Variants in DCC observed in about 807,000 individuals in gnomAD.
The protein encoded by DCC is netrin receptor DCC.
DCC carries 58 observed loss-of-function variants against 172.5 expected under a neutral mutation model. The ratio of observed to expected loss-of-function variants is 0.34; its 90% CI spans 0.27 to 0.42. DCC has a LOEUF of 0.42. Ranked by LOEUF, DCC falls within the 10% of genes least tolerant of loss-of-function variation. DCC has a pLI of 1.00. For synonymous variants in DCC, 709 were observed against 644.5 expected (o/e 1.10, Z -1.52); for missense variants, 1,740 against 1,791.0 (o/e 0.97, Z 0.51).
At chr18:53,421,824 C>T (rs142456713) in intron 21 of DCC, among the ~76,000 whole-genome samples, 14 of 152,330 alleles carry the variant, frequency 9.2e-5, no homozygotes, top group African/African-American at 3.4e-4. Flanking sequence ...AATAAAAACT[C>T]AGGCATAACA....
intron 25 of DCC, among the ~76,000 whole-genome samples, chr18:53,469,779 T>A (rs548216180): frequency 3.4e-4 from 51 of 152,188 alleles, no homozygotes; most frequent in African/African-American, 1.2e-3. Flanking sequence ...CTGAAAAAAA[T>A]TTCTAAATTA....
chr18:52,935,372 A>AT (rs11399593), intron 5 of DCC, among the ~76,000 whole-genome samples: 55,645 of 151,890 alleles, frequency 0.37, 10,711 homozygotes, highest in South Asian at 0.52. Context: ...ACCTATATCA[A>AT]TTTAATAGTA....
chr18:52,613,570 T>G (rs2034317049), intron 1 of DCC, among the ~76,000 whole-genome samples: 1 of 152,168 alleles, frequency 6.6e-6, no homozygotes, highest in African/African-American at 2.4e-5. Flanking sequence ...TGTTTTATTT[T>G]ATGCTTAGGA....
At chr18:53,341,177 A>G (rs2144872980) in intron 15 of DCC, among the ~76,000 whole-genome samples, 1 of 152,266 alleles carries the variant, frequency 6.6e-6, no homozygotes, top group African/African-American at 2.4e-5. Context: ...TTCAGCATCC[A>G]CCATCTTTGA....
At chr18:53,516,360 T>C (rs2046333624) in intron 27 of DCC, among the ~76,000 whole-genome samples, 2 of 146,678 alleles carry the variant, frequency 1.4e-5, no homozygotes, top group Admixed American at 6.6e-5. Context: ...GAAGAAAACC[T>C]AGGCATTACC....
intron 1 of DCC, among the ~76,000 whole-genome samples, chr18:52,450,377 A>C (rs1988263681): frequency 6.6e-6 from 1 of 152,214 alleles, no homozygotes; most frequent in Non-Finnish European, 1.5e-5. Context: ...TTGAACATCT[A>C]CTATATACCA....
chr18:52,799,908 A>T (rs899222311), intron 2 of DCC, among the ~76,000 whole-genome samples: 2 of 152,160 alleles, frequency 1.3e-5, no homozygotes, highest in African/African-American at 4.8e-5. Flanking sequence ...TTAAGCTCTA[A>T]TTGTTCTTCA....
chr18:52,406,892 T>A (rs1986673171), intron 1 of DCC, among the ~76,000 whole-genome samples: 1 of 152,068 alleles, frequency 6.6e-6, no homozygotes, highest in Admixed American at 6.6e-5. Flanking sequence ...TAAACCCATG[T>A]GTGAGTCTGT....
intron 1 of DCC, among the ~76,000 whole-genome samples, chr18:52,352,854 A>T (rs8090020): frequency 0.24 from 37,168 of 152,106 alleles, 4,832 homozygotes; most frequent in African/African-American, 0.31. Context: ...TGTGCAGTCC[A>T]GGAATCAAGG....
chr18:53,518,612 G>T (rs2046365407), intron 27 of DCC, among the ~76,000 whole-genome samples: 1 of 152,094 alleles, frequency 6.6e-6, no homozygotes, highest in African/African-American at 2.4e-5. Flanking sequence ...CAGAACTCCA[G>T]CCCATTTTTA....
At chr18:52,848,629 C>T (rs1293819522) in intron 2 of DCC, among the ~76,000 whole-genome samples, 1 of 152,040 alleles carries the variant, frequency 6.6e-6, no homozygotes, top group African/African-American at 2.4e-5. Context: ...CAGTTGTCTT[C>T]ATATATTTTA....
At chr18:53,138,657 A>T (rs1051321215) in intron 7 of DCC, among the ~76,000 whole-genome samples, 1 of 152,098 alleles carries the variant, frequency 6.6e-6, no homozygotes, top group African/African-American at 2.4e-5. Context: ...TTTCAAAATA[A>T]CTCATGGCTC....
At chr18:52,927,013 CAA>C (rs1491297838) in intron 5 of DCC, among the ~76,000 whole-genome samples, 4 of 122,408 alleles carry the variant, frequency 3.3e-5, no homozygotes, top group African/African-American at 1.1e-4. Flanking sequence ...ACACAATTCA[CAA>C]AGAAAAAATG....
chr18:52,805,650 G>A (rs559796273), intron 2 of DCC, among the ~76,000 whole-genome samples: 1 of 152,144 alleles, frequency 6.6e-6, no homozygotes, highest in African/African-American at 2.4e-5. Context: ...GTCTACCAAA[G>A]AAACTACTTT....
At chr18:52,502,364 G>A (rs926343506) in intron 1 of DCC, among the ~76,000 whole-genome samples, 7 of 152,104 alleles carry the variant, frequency 4.6e-5, no homozygotes, top group Non-Finnish European at 8.8e-5. Flanking sequence ...CTGTTTCCTT[G>A]GGGTGGATGT....
At chr18:52,945,464 T>C (rs151288363) in intron 5 of DCC, among the ~76,000 whole-genome samples, 1 of 152,360 alleles carries the variant, frequency 6.6e-6, no homozygotes, top group African/African-American at 2.4e-5. Flanking sequence ...AGAGAGGATA[T>C]CTAAAATTAC....
rs1320271337 is a variant in DCC, at chr18:52,771,662, TTTC to T, written c.412+19292_412+19294del. On this transcript the variant is annotated intron_variant, in intron 2 of 28. Coordinates refer to ENST00000442544, the MANE Select transcript of DCC (RefSeq NM_005215.4). ...TTTATCTATGTGAGGGAGGTGGGAATTTCTTCAATATCAAAAACCTCCTTTAAT... is the reference window on the plus strand; with the variant it reads ...TTTATCTATGTGAGGGAGGTGGGAATTTCAATATCAAAAACCTCCTTTAAT... Among the ~76,000 whole-genome samples, 15 of 152,310 alleles carry T rather than the reference TTTC, an allele frequency of 9.8e-5. No homozygotes were observed. In the East Asian group the frequency reaches 2.9e-3, roughly 29 times the overall value.
At chr18:53,055,902 C>T (rs953711697) in intron 5 of DCC, among the ~76,000 whole-genome samples, 1 of 152,058 alleles carries the variant, frequency 6.6e-6, no homozygotes, top group Non-Finnish European at 1.5e-5. Flanking sequence ...GTTACTTTGG[C>T]AACAAAAGTT....
At chr18:53,261,407 C>T (rs1409646952) in intron 12 of DCC, among the ~76,000 whole-genome samples, 1 of 152,166 alleles carries the variant, frequency 6.6e-6, no homozygotes, top group African/African-American at 2.4e-5. Flanking sequence ...GAGAGAAATG[C>T]TGTCAGTGAC....
Sources: allele counts gnomAD v4.1 joint callset (sites outside exome capture counted in the v4.1 genomes callset), GRCh38; gene constraint gnomAD v4.1.1; transcripts MANE v1.5; gene names NCBI Gene and HGNC (gene_info 2026-07-23, HGNC 2026-07-21).